The following PTGS1 variants were observed in gnomAD, a reference collection of about 807,000 sequenced individuals.
PTGS1 encodes prostaglandin-endoperoxide synthase 1.
PTGS1 carries 40 observed loss-of-function variants against 63.0 expected under a neutral mutation model. That is an observed-to-expected ratio of 0.63 (90% CI 0.49 to 0.83). The LOEUF (loss-of-function observed/expected upper bound fraction) is 0.83. Among genes scored for constraint, PTGS1 ranks in the 40% least tolerant of loss-of-function variants. PTGS1 has a pLI of 0.00. For synonymous variants in PTGS1, 298 were observed against 301.9 expected, an observed-to-expected ratio of 0.99 and a Z score of 0.13; for missense variants, 709 against 786.5, an observed-to-expected ratio of 0.90 and a Z score of 1.18.
chr9:122,377,193 G>A (rs1837218275), intron 2 of PTGS1, among the ~76,000 whole-genome samples: 1 of 152,198 alleles, frequency 6.6e-6, no homozygotes, highest in South Asian at 2.1e-4. Context: ...CAGGGTTCTG[G>A]AAAACTTCTT....
At position 122,371,037 on chromosome 9, in the gene PTGS1, C is replaced by T. The variant is rs973565118; in HGVS notation, c.-48C>T. 1.4e-5 allele frequency: 22 copies of T among 1,566,056 alleles called. No homozygotes were observed. The highest frequency in any genetic ancestry group is 1.8e-5 in the Non-Finnish European group (21 of 1,163,874). On this transcript the variant is annotated 5_prime_UTR_variant, in exon 1 of 11. Coordinates refer to ENST00000362012, the MANE Select transcript of PTGS1 (RefSeq NM_000962.4). ...GGAGCTCCGGGCAGTGTGCGAGGCG[C>T]ACGCACAGGAGCCTGCACTCTGCGT... is the stretch of plus-strand genomic sequence containing the variant.
intron 3 of PTGS1, 33 bp from the exon 4 acceptor site, chr9:122,378,400 G>A (rs1390805444): frequency 3.1e-6 from 5 of 1,610,640 alleles, no homozygotes; most frequent in Non-Finnish European, 3.4e-6. Flanking sequence ...CTGGTAGGAG[G>A]GACCAACTGA....
At position 122,383,638 on chromosome 9, in the gene PTGS1, A is replaced by T; in HGVS notation, c.892A>T (p.Met298Leu). ...QEVFGLLPGL[M>L]LYATLWLREH... ...GGTGTTTGGGCTGCTTCCTGGGCTC[A>T]TGCTGTATGCCACGCTCTGGCTACG... Residue 298 changes from methionine (M) to leucine (L), a missense_variant, in exon 8 of 11, where the codon ATG becomes TTG. Coordinates refer to ENST00000362012, the MANE Select transcript of PTGS1 (RefSeq NM_000962.4). 1 of 1,614,142 alleles carries T rather than the reference A, an allele frequency of 6.2e-7. No individual in the cohort carries two copies. The highest frequency in any genetic ancestry group is 8.5e-7 in the Non-Finnish European group (1 of 1,180,036).
At chr9:122,381,955 AG>A (rs1369146430) in intron 7 of PTGS1, among the ~76,000 whole-genome samples, 4 of 152,232 alleles carry the variant, frequency 2.6e-5, no homozygotes, top group Non-Finnish European at 5.9e-5. Context: ...CATGTCAGCC[AG>A]GGAGGTGGAT....
At position 122,386,634 on chromosome 9, in the gene PTGS1, G is replaced by GGCTCCCA. The variant is rs747729436; in HGVS notation, c.1198_1199insGCTCCCA (p.Glu400GlyfsTer22). On this transcript the variant is annotated frameshift_variant, in exon 9 of 11. Transcript: ENST00000362012. LOFTEE classifies it high-confidence loss of function. Reference sequence around the variant, plus strand: ...TGACTCCTTCAAGGTGGGCTCCCAGGAGTACAGCTACGAGCAGTTCTTGTT... The same window carrying GGCTCCCA: ...TGACTCCTTCAAGGTGGGCTCCCAGGGCTCCCAAGTACAGCTACGAGCAGTTCTTGTT... The GGCTCCCA allele has an allele frequency of 7.4e-6, 12 of 1,614,206 alleles. No homozygotes were observed. Among genetic ancestry groups the GGCTCCCA allele is most frequent in the Non-Finnish European group, 1.0e-5 (12 of 1,180,052 alleles).
chr9:122,381,490 C>A lies in PTGS1; in HGVS notation c.616C>A (p.His206Asn). 1 of 1,614,226 alleles carries A rather than the reference C, an allele frequency of 6.2e-7. No homozygotes were observed. ...TGCCTTCTTTGCACAACACTTCACCCACCAGTTCTTCAAAACTTCTGGCAA... is the reference window on the plus strand; with the variant it reads ...TGCCTTCTTTGCACAACACTTCACCAACCAGTTCTTCAAAACTTCTGGCAA... ...MFAFFAQHFT[H>N]QFFKTSGKMG... is the part of the protein sequence containing the mutation. Residue 206 changes from histidine (H) to asparagine (N), a missense_variant, in exon 6 of 11, where the codon CAC (histidine) becomes AAC (asparagine). Coordinates refer to ENST00000362012, the MANE Select transcript of PTGS1 (RefSeq NM_000962.4).
chr9:122,370,922 C>A, upstream of PTGS1: 1 of 1,177,454 alleles, frequency 8.5e-7, no homozygotes, highest in Non-Finnish European at 1.2e-6. Flanking sequence ...TTGGCCGGGG[C>A]TGGGCAGAGG....
chr9:122,383,207 CTT>C (rs556984692), intron 7 of PTGS1, among the ~76,000 whole-genome samples: 1 of 70,494 alleles, frequency 1.4e-5, no homozygotes, highest in African/African-American at 1.6e-4. Context: ...TTTTTTTTTT[CTT>C]TTTTTTTTTT....
intron 5 of PTGS1, among the ~76,000 whole-genome samples, chr9:122,379,798 T>C (rs566684180): frequency 1.3e-5 from 2 of 151,958 alleles, no homozygotes; most frequent in South Asian, 4.1e-4. Flanking sequence ...GGATTTTCTT[T>C]AGGGGTACTT....
chr9:122,371,064 C>G lies in PTGS1; in HGVS notation c.-21C>G. ...CGCACAGGAGCCTGCACTCTGCGTCCCGCACCCCAGCAGCCGCGCCATGAG... is the reference window on the plus strand; with the variant it reads ...CGCACAGGAGCCTGCACTCTGCGTCGCGCACCCCAGCAGCCGCGCCATGAG... On this transcript the variant is annotated 5_prime_UTR_variant, in exon 1 of 11. Transcript: ENST00000362012. 6.3e-7 allele frequency: 1 copy of G among 1,591,696 alleles called. No individual in the cohort carries two copies. The highest frequency in any genetic ancestry group is 8.5e-7 in the Non-Finnish European group (1 of 1,175,964).
intron 9 of PTGS1, among the ~76,000 whole-genome samples, chr9:122,387,022 G>A (rs910325438): frequency 2.6e-5 from 4 of 151,922 alleles, no homozygotes; most frequent in African/African-American, 9.7e-5. Context: ...CAGCATTAGG[G>A]CCCTTACTGC....
intron 7 of PTGS1, among the ~76,000 whole-genome samples, chr9:122,382,061 G>A (rs1329836488): frequency 3.3e-5 from 5 of 152,206 alleles, no homozygotes. Context: ...ACCTGGCACA[G>A]GTGATTGAGT....
At chr9:122,371,464 G>T in intron 2 of PTGS1, 192 bp downstream of exon 2, 1 of 1,233,654 alleles carries the variant, frequency 8.1e-7, no homozygotes, top group South Asian at 1.6e-5. Context: ...TTGGCTAATG[G>T]GCTATCTAGT....
chr9:122,390,691 A>ATGG (rs1838167036), intron 10 of PTGS1, among the ~76,000 whole-genome samples: 1 of 152,086 alleles, frequency 6.6e-6, no homozygotes, highest in African/African-American at 2.4e-5. Flanking sequence ...AGGTCAGGAA[A>ATGG]TCGAGACCAT....
intron 2 of PTGS1, among the ~76,000 whole-genome samples, chr9:122,373,926 G>T (rs1205435890): frequency 6.6e-6 from 1 of 152,024 alleles, no homozygotes; most frequent in East Asian, 1.9e-4. Flanking sequence ...GGGGATTTGG[G>T]TCCTGCCTCT....
chr9:122,381,303 C>A, intron 5 of PTGS1, 68 bp from the exon 6 acceptor site: 1 of 1,521,898 alleles, frequency 6.6e-7, no homozygotes, highest in Non-Finnish European at 8.9e-7. Flanking sequence ...GCCTGGTGAG[C>A]CCAGATGTCC....
intron 9 of PTGS1, among the ~76,000 whole-genome samples, chr9:122,389,610 G>T (rs1469996056): frequency 1.3e-5 from 2 of 152,062 alleles, no homozygotes; most frequent in African/African-American, 4.8e-5. Context: ...AACGGTCTGG[G>T]GAGCAGTGTG....
At chr9:122,380,219 T>C (rs915274752) in intron 5 of PTGS1, among the ~76,000 whole-genome samples, 1 of 152,002 alleles carries the variant, frequency 6.6e-6, no homozygotes, top group Admixed American at 6.5e-5. Flanking sequence ...ATCCCAGCAC[T>C]TTGGGAGGTT....
chr9:122,391,302 A>T (rs1001170411), intron 10 of PTGS1, among the ~76,000 whole-genome samples: 30 of 132,828 alleles, frequency 2.3e-4, no homozygotes, highest in African/African-American at 1.0e-3. Flanking sequence ...ATATCAATAC[A>T]TATATACATA....
Sources: allele counts gnomAD v4.1 joint callset (sites outside exome capture counted in the v4.1 genomes callset), GRCh38; gene constraint gnomAD v4.1.1; transcripts MANE v1.5; gene names NCBI Gene and HGNC (gene_info 2026-07-23, HGNC 2026-07-21).